The following GALNTL6 variants were observed in gnomAD, a reference collection of about 807,000 sequenced individuals.
GALNTL6 encodes polypeptide N-acetylgalactosaminyltransferase like 6.
A neutral mutation model predicts 73.7 loss-of-function variants in GALNTL6; 46 were observed. The ratio of observed to expected loss-of-function variants is 0.62; its 90% CI spans 0.49 to 0.80. The LOEUF (loss-of-function observed/expected upper bound fraction) is 0.80, where lower values mean the gene tolerates loss of function less well. Among genes scored for constraint, GALNTL6 ranks in the 30% least tolerant of loss-of-function variants. The pLI is 0.00. For missense variants in GALNTL6, 604 were observed against 755.0 expected, an observed-to-expected ratio of 0.80 and a Z score of 2.34; for synonymous variants, 259 against 263.7, an observed-to-expected ratio of 0.98 and a Z score of 0.17.
chr4:172,272,639 C>T (rs1175969011), intron 3 of GALNTL6, among the ~76,000 whole-genome samples: 1 of 152,138 alleles, frequency 6.6e-6, no homozygotes, highest in Non-Finnish European at 1.5e-5. Flanking sequence ...GCATTTCTTT[C>T]AGTATGCTTC....
At chr4:171,941,246 T>C (rs1015076723) in intron 2 of GALNTL6, among the ~76,000 whole-genome samples, 2 of 152,244 alleles carry the variant, frequency 1.3e-5, no homozygotes, top group African/African-American at 4.8e-5. Flanking sequence ...GTATTCATTG[T>C]AGAACTCTCC....
chr4:172,917,826 T>C lies in GALNTL6; in HGVS notation c.1042-13335T>C, dbSNP rs1315474887. Among the ~76,000 whole-genome samples, 3 of 152,224 alleles carry C rather than the reference T, an allele frequency of 2.0e-5. No homozygotes were observed. In the East Asian group the frequency reaches 5.8e-4, roughly 29 times the overall value. On this transcript the variant is annotated intron_variant, in intron 8 of 12. Transcript: ENST00000506823. ...GGACTGTAAACTAGTTCAACCATTG[T>C]GGAAGACAGTGTGGAGATTCCTCAA...
chr4:172,199,280 T>G (rs1735879413), intron 2 of GALNTL6, among the ~76,000 whole-genome samples: 1 of 149,102 alleles, frequency 6.7e-6, no homozygotes, highest in Admixed American at 6.6e-5. Context: ...TTTGTGGAAT[T>G]TTTTTAGTAC....
At chr4:172,121,795 G>GA (rs1290722607) in intron 2 of GALNTL6, among the ~76,000 whole-genome samples, 1 of 151,732 alleles carries the variant, frequency 6.6e-6, no homozygotes, top group Non-Finnish European at 1.5e-5. Context: ...TGTACCTCTG[G>GA]AAAAAATTAA....
At chr4:172,011,839 G>A (rs964796957) in intron 2 of GALNTL6, among the ~76,000 whole-genome samples, 15 of 151,774 alleles carry the variant, frequency 9.9e-5, no homozygotes, top group African/African-American at 3.6e-4. Context: ...TAAACCTTAG[G>A]GAACAGAGAA....
In GALNTL6 at chr4:172,488,177, G is replaced by T. The variant is rs111565385; in HGVS notation, c.553+139488G>T. 7.4e-3 allele frequency among the ~76,000 whole-genome samples: 1,125 copies of T among 152,248 alleles called. 18 individuals are homozygous for T. Among genetic ancestry groups the T allele is most frequent in the African/African-American group, 0.025 (1,057 of 41,548 alleles). On this transcript the variant is annotated intron_variant, in intron 5 of 12. Coordinates refer to ENST00000506823, the MANE Select transcript of GALNTL6 (RefSeq NM_001034845.3). Reference sequence around the variant, plus strand: ...CATTTCAGGACTTGTCTTAGCAAATGAACTCATTGTGCCTTGTTACAGACT... The same window carrying T: ...CATTTCAGGACTTGTCTTAGCAAATTAACTCATTGTGCCTTGTTACAGACT...
At chr4:172,950,501 A>G (rs938410546) in intron 9 of GALNTL6, among the ~76,000 whole-genome samples, 16 of 152,276 alleles carry the variant, frequency 1.1e-4, no homozygotes, top group Non-Finnish European at 1.9e-4. Context: ...CACCAAAAGC[A>G]CCCAAGGAGT....
chr4:172,453,126 C>T (rs571198229), intron 5 of GALNTL6, among the ~76,000 whole-genome samples: 34 of 151,860 alleles, frequency 2.2e-4, no homozygotes, highest in Admixed American at 1.2e-3. Flanking sequence ...GTTTAGAACC[C>T]AGGAGGCGGA....
intron 2 of GALNTL6, among the ~76,000 whole-genome samples, chr4:171,987,339 T>G (rs898844490): frequency 6.6e-6 from 1 of 152,172 alleles, no homozygotes; most frequent in African/African-American, 2.4e-5. Context: ...CTTGGCTGAT[T>G]TGACTAATAA....
chr4:172,688,958 T>C (rs1031272151), intron 5 of GALNTL6, among the ~76,000 whole-genome samples: 1 of 16,372 alleles, frequency 6.1e-5, no homozygotes, highest in Non-Finnish European at 1.3e-4. Context: ...CCCAACTCCC[T>C]ACTCAGTAAC....
intron 5 of GALNTL6, among the ~76,000 whole-genome samples, chr4:172,623,884 T>G (rs1739057878): frequency 6.6e-6 from 1 of 152,156 alleles, no homozygotes; most frequent in African/African-American, 2.4e-5. Flanking sequence ...TTTACCATTA[T>G]GTCTCAAATT....
chr4:172,830,989 G>A (rs986217275), intron 7 of GALNTL6, among the ~76,000 whole-genome samples: 2 of 151,802 alleles, frequency 1.3e-5, no homozygotes, highest in Non-Finnish European at 2.9e-5. Flanking sequence ...GTGAAACCCT[G>A]TCTCTATGAA....
At chr4:171,889,582 T>G (rs115348429) in intron 2 of GALNTL6, among the ~76,000 whole-genome samples, 1,648 of 152,226 alleles carry the variant, frequency 0.011, 31 homozygotes, top group African/African-American at 0.037. Flanking sequence ...TTTTTCTGGA[T>G]GCCCATCATA....
At chr4:172,502,048 T>C (rs1399877297) in intron 5 of GALNTL6, among the ~76,000 whole-genome samples, 1 of 152,204 alleles carries the variant, frequency 6.6e-6, no homozygotes, top group Non-Finnish European at 1.5e-5. Context: ...ATGTACTATG[T>C]GTTTGTTAGC....
At chr4:171,922,321 T>C (rs1259780262) in intron 2 of GALNTL6, among the ~76,000 whole-genome samples, 1 of 152,066 alleles carries the variant, frequency 6.6e-6, no homozygotes, top group Non-Finnish European at 1.5e-5. Flanking sequence ...TACAGCTAAC[T>C]TTGTGACAAA....
chr4:172,224,416 A>T (rs1201976991), intron 2 of GALNTL6, among the ~76,000 whole-genome samples: 1 of 152,220 alleles, frequency 6.6e-6, no homozygotes, highest in Non-Finnish European at 1.5e-5. Context: ...TCATAGGTAT[A>T]TGGTTGATTG....
chr4:172,328,073 A>C (rs1370011986), intron 4 of GALNTL6, among the ~76,000 whole-genome samples: 1 of 152,102 alleles, frequency 6.6e-6, no homozygotes, highest in Non-Finnish European at 1.5e-5. Flanking sequence ...TTTATAAGGC[A>C]GGTCTGGTGG....
intron 2 of GALNTL6, among the ~76,000 whole-genome samples, chr4:172,136,729 C>A (rs1403309757): frequency 1.3e-5 from 2 of 151,732 alleles, no homozygotes; most frequent in African/African-American, 4.8e-5. Context: ...TTATGCACAG[C>A]TCCATATACA....
At chr4:172,982,880 C>T (rs1384947759) in intron 10 of GALNTL6, among the ~76,000 whole-genome samples, 1 of 151,918 alleles carries the variant, frequency 6.6e-6, no homozygotes, top group African/African-American at 2.4e-5. Context: ...AGTAGCCAGG[C>T]ACAGAGGGTC....
Sources: gnomAD v4.1 joint callset for allele counts (sites outside exome capture counted in the v4.1 genomes callset) on GRCh38, gnomAD v4.1.1 for gene constraint, MANE v1.5 for transcripts, NCBI Gene and HGNC (gene_info 2026-07-23, HGNC 2026-07-21) for gene names.